Variants in ME1 observed in about 807,000 individuals in gnomAD.
The protein encoded by ME1 is NADP-dependent malic enzyme.
ME1 carries 74 observed loss-of-function variants against 66.4 expected under a neutral mutation model. The ratio of observed to expected loss-of-function variants is 1.11; its 90% CI spans 0.92 to 1.35. The LOEUF (loss-of-function observed/expected upper bound fraction) is 1.35, where lower values mean the gene tolerates loss of function less well. Among genes scored for constraint, ME1 ranks in the 40% most tolerant of loss-of-function variants. The pLI, the probability that ME1 is intolerant of heterozygous loss-of-function variation, is 0.00. For missense variants in ME1, 750 were observed against 694.1 expected, an observed-to-expected ratio of 1.08 and a Z score of -0.90; for synonymous variants, 251 against 235.6, an observed-to-expected ratio of 1.07 and a Z score of -0.60.
At chr6:83,265,764 A>G (rs559400597) in intron 6 of ME1, among the ~76,000 whole-genome samples, 1 of 152,312 alleles carries the variant, frequency 6.6e-6, no homozygotes, top group African/African-American at 2.4e-5. Flanking sequence ...ACACTTTCAG[A>G]CCATATATTT....
chr6:83,247,730 CTG>C (rs374868598), intron 7 of ME1, among the ~76,000 whole-genome samples: 7 of 152,242 alleles, frequency 4.6e-5, no homozygotes, highest in African/African-American at 1.7e-4. Flanking sequence ...TACGGAGAAA[CTG>C]TGTCATAAGG....
chr6:83,325,269 A>T (rs537747413), intron 5 of ME1, among the ~76,000 whole-genome samples: 17 of 152,272 alleles, frequency 1.1e-4, no homozygotes, highest in Non-Finnish European at 2.1e-4. Context: ...TACTGAATGG[A>T]CAAAAGCTGG....
At position 83,257,588 on chromosome 6, in the gene ME1, C is replaced by A. The variant is rs1766802459; in HGVS notation, c.705-3850G>T. On this transcript the variant is annotated intron_variant, in intron 6 of 13. Coordinates refer to ENST00000369705, the MANE Select transcript of ME1 (RefSeq NM_002395.6). The stretch of plus-strand genomic sequence containing the variant: ...GAAGGGAACGTAAACTTTTTCTACT[C>A]CTTTTATGTATGATGCCGTTTATCC... Among the ~76,000 whole-genome samples the A allele has an allele frequency of 2.6e-5, 4 of 152,198 alleles. No homozygotes were observed. The South Asian group carries it at 6.2e-4, about 24-fold the overall frequency.
At chr6:83,219,603 T>C (rs1790048815) in intron 12 of ME1, among the ~76,000 whole-genome samples, 1 of 152,074 alleles carries the variant, frequency 6.6e-6, no homozygotes. Context: ...TGTATGTATG[T>C]ATGTATGTAT....
In ME1 at chr6:83,322,853, G is replaced by A. The variant is rs141671599; in HGVS notation, c.601-7440C>T. Among the ~76,000 whole-genome samples the A allele has an allele frequency of 4.1e-4, 63 of 152,230 alleles. 1 individual carries two copies. The East Asian group carries it at 0.01, about 24-fold the overall frequency. Reference sequence around the variant, plus strand: ...AAAAGCAACCCCAAGATGCATAATCGTCAGATCCACCATCGTTGAAATGAA... The same window carrying A: ...AAAAGCAACCCCAAGATGCATAATCATCAGATCCACCATCGTTGAAATGAA... On this transcript the variant is annotated intron_variant, in intron 5 of 13. Coordinates refer to ENST00000369705, the MANE Select transcript of ME1 (RefSeq NM_002395.6).
chr6:83,365,997 T>C (rs1158704369), intron 3 of ME1, among the ~76,000 whole-genome samples: 2 of 152,198 alleles, frequency 1.3e-5, no homozygotes, highest in African/African-American at 2.4e-5. Flanking sequence ...TCAACTCTTC[T>C]CTTTTTTACT....
chr6:83,349,766 A>C (rs1353325448), intron 4 of ME1, among the ~76,000 whole-genome samples: 1 of 152,188 alleles, frequency 6.6e-6, no homozygotes, highest in East Asian at 1.9e-4. Context: ...TCTGAATTTC[A>C]AAACCTTTTA....
At chr6:83,217,848 T>C (rs1367569525) in intron 12 of ME1, among the ~76,000 whole-genome samples, 2 of 152,036 alleles carry the variant, frequency 1.3e-5, no homozygotes, top group Admixed American at 6.6e-5. Flanking sequence ...GACTGGAGCA[T>C]TATCAATGTC....
chr6:83,340,366 T>C (rs931141181), intron 5 of ME1, among the ~76,000 whole-genome samples: 1 of 152,200 alleles, frequency 6.6e-6, no homozygotes, highest in Non-Finnish European at 1.5e-5. Context: ...TATATCACCA[T>C]TAATTATGAT....
intron 6 of ME1, among the ~76,000 whole-genome samples, chr6:83,299,571 T>C (rs1394860872): frequency 6.6e-6 from 1 of 152,204 alleles, no homozygotes; most frequent in Non-Finnish European, 1.5e-5. Flanking sequence ...CTTTCTCTCC[T>C]TCTATTTGAA....
intron 6 of ME1, among the ~76,000 whole-genome samples, chr6:83,290,318 G>C (rs770510092): frequency 1.3e-5 from 2 of 152,068 alleles, no homozygotes; most frequent in Non-Finnish European, 2.9e-5. Context: ...AGAGATTCTG[G>C]TACATTGTGT....
At chr6:83,429,135 C>T (rs925254897) in intron 1 of ME1, among the ~76,000 whole-genome samples, 1 of 151,986 alleles carries the variant, frequency 6.6e-6, no homozygotes, top group African/African-American at 2.4e-5. Flanking sequence ...TGGTGGCGGG[C>T]GCTTGTAGTC....
chr6:83,250,463 A>G (rs1790703813), intron 7 of ME1, among the ~76,000 whole-genome samples: 1 of 152,230 alleles, frequency 6.6e-6, no homozygotes, highest in Non-Finnish European at 1.5e-5. Flanking sequence ...GTGTGACTCT[A>G]TAGTCCAAGC....
intron 1 of ME1, among the ~76,000 whole-genome samples, chr6:83,429,097 A>T (rs918865491): frequency 3.3e-5 from 5 of 152,084 alleles, no homozygotes; most frequent in Admixed American, 2.6e-4. Flanking sequence ...CCCAGTCTGT[A>T]CTAAAAGTAC....
chr6:83,247,700 A>G, intron 7 of ME1, among the ~76,000 whole-genome samples: 1 of 152,152 alleles, frequency 6.6e-6, no homozygotes, highest in East Asian at 1.9e-4. Context: ...ACATAAGGTT[A>G]AAAAGGTAAA....
intron 3 of ME1, among the ~76,000 whole-genome samples, chr6:83,366,347 C>A (rs2128546673): frequency 6.6e-6 from 1 of 152,218 alleles, no homozygotes; most frequent in Non-Finnish European, 1.5e-5. Flanking sequence ...TTTGGAATCC[C>A]TCAGAAATCC....
chr6:83,327,341 AG>A (rs1259563615), intron 5 of ME1, among the ~76,000 whole-genome samples: 3 of 152,236 alleles, frequency 2.0e-5, no homozygotes, highest in African/African-American at 4.8e-5. Flanking sequence ...TGGGCAGAAC[AG>A]AGGCATATTT....
chr6:83,392,887 C>T (rs576723040), intron 3 of ME1: 26 of 791,190 alleles, frequency 3.3e-5, no homozygotes, highest in Admixed American at 5.2e-5. Flanking sequence ...AGCTGCTTAA[C>T]GCCCCTGGCC....
Position 83,228,837 on chromosome 6 carries a change from G to T in ME1, c.1121C>A (p.Thr374Asn). The T allele has an allele frequency of 6.2e-7, 1 of 1,608,304 alleles. No individual in the cohort carries two copies. The highest frequency in any genetic ancestry group is 8.5e-7 in the Non-Finnish European group (1 of 1,176,790). ...GAGAAAATGCTTACCTATGAGGGCA[G>T]TTGGTTTTATTTCTTGAACAATGGC... Reference protein sequence around the residue: ...LEAIVQEIKPTALIGVAAIGG... With the variant: ...LEAIVQEIKPNALIGVAAIGG... The change falls in exon 10 of 14, where the codon ACT becomes AAT. Residue 374 changes from threonine to asparagine, a missense_variant. Physicochemically the swap from Thr to Asn is moderately conservative, Grantham distance 65 (BLOSUM62 0). Coordinates refer to ENST00000369705, the MANE Select transcript of ME1 (RefSeq NM_002395.6).
Sources: allele counts gnomAD v4.1 joint callset (sites outside exome capture counted in the v4.1 genomes callset), GRCh38; gene constraint gnomAD v4.1.1; transcripts MANE v1.5; gene names NCBI Gene and HGNC (gene_info 2026-07-23, HGNC 2026-07-21).